Variants in SORCS2 observed in about 807,000 individuals in gnomAD.
The protein encoded by SORCS2 is VPS10 domain-containing receptor SorCS2.
Under a neutral mutation model 141.6 loss-of-function variants are expected in SORCS2, and 100 were observed. The observed-to-expected ratio is 0.71, with a 90% CI of 0.60 to 0.83. The LOEUF is 0.83. Among genes scored for constraint, SORCS2 ranks in the 40% least tolerant of loss-of-function variants. SORCS2 has a pLI of 0.00. For missense variants in SORCS2, 1,646 were observed against 1,560.2 expected (o/e 1.05, Z -0.93); for synonymous variants, 789 against 676.9 (o/e 1.17, Z -2.57).
At chr4:7,666,124 G>T (rs1238754593) in intron 7 of SORCS2, among the ~76,000 whole-genome samples, 1 of 152,060 alleles carries the variant, frequency 6.6e-6, no homozygotes, top group Non-Finnish European at 1.5e-5. Context: ...CGATTCAGGG[G>T]AGGCAGGAGA....
At chr4:7,522,679 C>T (rs968941026) in intron 2 of SORCS2, among the ~76,000 whole-genome samples, 7 of 147,432 alleles carry the variant, frequency 4.7e-5, no homozygotes, top group Non-Finnish European at 1.1e-4. Context: ...TCCCTTTCTT[C>T]CCTCTTCTTC....
rs148885691 is a variant in SORCS2 at position 7,629,581 on chromosome 4, G to A, written c.649-8747G>A. Among the ~76,000 whole-genome samples the A allele has an allele frequency of 3.9e-3, 425 of 107,710 alleles. 4 individuals carry two copies. The highest frequency in any genetic ancestry group is 0.013 in the African/African-American group (379 of 28,560). 70.7% of individuals were successfully genotyped at this position (107,710 alleles called of 152,430 possible). A position where few individuals can be genotyped will look rare whatever the true frequency, so the allele number is the denominator to read the frequency against. On this transcript the variant is annotated intron_variant, in intron 3 of 26. Coordinates refer to ENST00000507866, the MANE Select transcript of SORCS2 (RefSeq NM_020777.3). ...CCCCAACCCCCCTCGCTCCCCACCC[G>A]CTGATCTCTGCAGGGTCCCTCTGAT... is the stretch of plus-strand genomic sequence containing the variant.
intron 2 of SORCS2, among the ~76,000 whole-genome samples, chr4:7,493,854 A>G (rs1731450347): frequency 1.3e-5 from 2 of 152,258 alleles, no homozygotes; most frequent in African/African-American, 2.4e-5. Context: ...ATGCACATGC[A>G]TTGTGTGGAT....
At chr4:7,351,112 G>GC (rs751681788) in intron 1 of SORCS2, among the ~76,000 whole-genome samples, 13 of 152,166 alleles carry the variant, frequency 8.5e-5, no homozygotes, top group Middle Eastern at 3.4e-3. Flanking sequence ...CACGCTACAC[G>GC]CCCCCCCACT....
chr4:7,668,970 T>C (rs1183978893), intron 8 of SORCS2, among the ~76,000 whole-genome samples: 1 of 152,128 alleles, frequency 6.6e-6, no homozygotes, highest in Non-Finnish European at 1.5e-5. Context: ...CTGCCAAGGG[T>C]GCTCTAAGGA....
intron 2 of SORCS2, among the ~76,000 whole-genome samples, chr4:7,509,624 C>A (rs190787191): frequency 5.3e-5 from 8 of 152,316 alleles, no homozygotes; most frequent in Non-Finnish European, 7.4e-5. Flanking sequence ...CTGGGGTGAA[C>A]CACCAGGAAG....
chr4:7,675,033 G>A (rs771905629), intron 8 of SORCS2, among the ~76,000 whole-genome samples: 12 of 152,352 alleles, frequency 7.9e-5, no homozygotes, highest in Non-Finnish European at 1.5e-4. Context: ...AGGAACAGAG[G>A]TGGGAGGGAA....
In SORCS2 at chr4:7,418,185, C is replaced by T. The variant is rs141042388; in HGVS notation, c.548+21830C>T. Among the ~76,000 whole-genome samples the T allele has an allele frequency of 4.9e-3, 741 of 152,260 alleles. 4 individuals carry two copies. Among genetic ancestry groups the T allele is most frequent in the African/African-American group, 0.016 (675 of 41,546 alleles). On this transcript the variant is annotated intron_variant, in intron 2 of 26. Transcript: ENST00000507866. Reference sequence around the variant, plus strand: ...CACATTTCAGGTGTACCCTAGACTCCGGAGATTCAATGTTGAATGAGGCAG... The same window carrying T: ...CACATTTCAGGTGTACCCTAGACTCTGGAGATTCAATGTTGAATGAGGCAG...
chr4:7,256,751 G>A (rs1377435569), intron 1 of SORCS2, among the ~76,000 whole-genome samples: 1 of 150,688 alleles, frequency 6.6e-6, no homozygotes. Context: ...TTGGGACTAT[G>A]GGGGTGTCGG....
intron 2 of SORCS2, among the ~76,000 whole-genome samples, chr4:7,427,297 C>T (rs1726511890): frequency 6.6e-6 from 1 of 152,152 alleles, no homozygotes; most frequent in Non-Finnish European, 1.5e-5. Context: ...TTATCCCATC[C>T]CTTGCTTCGG....
chr4:7,243,572 G>A (rs1712860997), intron 1 of SORCS2, among the ~76,000 whole-genome samples: 1 of 152,198 alleles, frequency 6.6e-6, no homozygotes. Flanking sequence ...GGCATCTCAT[G>A]ATGACACCCG....
intron 1 of SORCS2, among the ~76,000 whole-genome samples, chr4:7,196,494 G>C (rs1727173127): frequency 6.6e-6 from 1 of 152,130 alleles, no homozygotes; most frequent in East Asian, 1.9e-4. Context: ...CAAGGCACTT[G>C]ATCCTCAACT....
At chr4:7,281,106 G>C (rs1202325830) in intron 1 of SORCS2, among the ~76,000 whole-genome samples, 2 of 152,236 alleles carry the variant, frequency 1.3e-5, no homozygotes, top group African/African-American at 2.4e-5. Flanking sequence ...CTCATAAAAG[G>C]AGAGCTATGA....
intron 3 of SORCS2, among the ~76,000 whole-genome samples, chr4:7,611,109 C>G (rs1160745291): frequency 1.3e-5 from 2 of 152,186 alleles, no homozygotes; most frequent in African/African-American, 4.8e-5. Flanking sequence ...ACATGGGCGC[C>G]CACTGCAGCT....
chr4:7,406,305 A>G, intron 2 of SORCS2, among the ~76,000 whole-genome samples: 1 of 149,056 alleles, frequency 6.7e-6, no homozygotes, highest in South Asian at 2.1e-4. Flanking sequence ...TTTGAGTAGG[A>G]TTGGTATCAG....
intron 2 of SORCS2, among the ~76,000 whole-genome samples, chr4:7,500,169 C>T (rs577001926): frequency 1.1e-4 from 16 of 152,328 alleles, no homozygotes; most frequent in African/African-American, 3.8e-4. Context: ...GTACGTCCAG[C>T]TCCCACCTAT....
rs188482992 is a variant in SORCS2, at chr4:7,221,840, G to A, written c.480+28714G>A. Among the ~76,000 whole-genome samples the A allele has an allele frequency of 6.4e-3, 974 of 152,330 alleles. 8 individuals are homozygous for A. The highest frequency in any genetic ancestry group is 0.022 in the African/African-American group (934 of 41,570). On this transcript the variant is annotated intron_variant, in intron 1 of 26. Transcript: ENST00000507866. Reference sequence around the variant, plus strand: ...ATTAAGTTAAGCATATATTTAAGGAGTATTTTCTGAGTGTTTGGCCCTGTG... The same window carrying A: ...ATTAAGTTAAGCATATATTTAAGGAATATTTTCTGAGTGTTTGGCCCTGTG...
chr4:7,583,833 C>T (rs1327736925), intron 3 of SORCS2, among the ~76,000 whole-genome samples: 1 of 152,238 alleles, frequency 6.6e-6, no homozygotes, highest in Non-Finnish European at 1.5e-5. Flanking sequence ...GAGCACTTTA[C>T]ACCCATGAAG....
At chr4:7,733,149 A>G (rs1481080201) in intron 23 of SORCS2, among the ~76,000 whole-genome samples, 173 bp from the exon 24 acceptor site, 1 of 127,762 alleles carries the variant, frequency 7.8e-6, no homozygotes, top group Non-Finnish European at 1.6e-5. Context: ...CACCTGTAGC[A>G]GACCCTCTCC....
Sources: gnomAD v4.1 joint callset for allele counts (sites outside exome capture counted in the v4.1 genomes callset) on GRCh38, gnomAD v4.1.1 for gene constraint, MANE v1.5 for transcripts, NCBI Gene and HGNC (gene_info 2026-07-23, HGNC 2026-07-21) for gene names.